TRIP12: variants seen among roughly 807,000 people sequenced by gnomAD.
TRIP12 encodes the protein thyroid hormone receptor interactor 12, also known as E3 ubiquitin-protein ligase TRIP12.
TRIP12 carries 25 observed loss-of-function variants against 244.2 expected under a neutral mutation model. That is an observed-to-expected ratio of 0.10 (90% CI 0.07 to 0.14). The LOEUF is 0.14. Ranked by LOEUF, TRIP12 falls within the 10% of genes least tolerant of loss-of-function variation. The pLI is 1.00. For missense variants in TRIP12, 1,677 were observed against 2,486.4 expected, an observed-to-expected ratio of 0.67 and a Z score of 6.92; for synonymous variants, 905 against 873.1, an observed-to-expected ratio of 1.04 and a Z score of -0.64.
intron 34 of TRIP12, among the ~76,000 whole-genome samples, chr2:229,779,345 C>T (rs1300625977): frequency 1.3e-5 from 2 of 152,138 alleles, no homozygotes; most frequent in Non-Finnish European, 2.9e-5. Context: ...ACCCCAAAAC[C>T]AGCTCAAATG....
At chr2:229,803,714 T>A (rs777749509) in intron 19 of TRIP12, 25 bp from the exon 20 acceptor site, 1 of 1,514,856 alleles carries the variant, frequency 6.6e-7, no homozygotes, top group African/African-American at 1.4e-5. Context: ...CATTTGTATA[T>A]AAAACTCTGC....
chr2:229,911,522 C>T (rs1192919055), intron 1 of TRIP12, among the ~76,000 whole-genome samples: 2 of 152,174 alleles, frequency 1.3e-5, no homozygotes, highest in African/African-American at 2.4e-5. Flanking sequence ...TTCTCCTGTT[C>T]TATTCCACTG....
At chr2:229,849,137 G>A (rs1437644320) in intron 4 of TRIP12, among the ~76,000 whole-genome samples, 1 of 152,222 alleles carries the variant, frequency 6.6e-6, no homozygotes, top group Non-Finnish European at 1.5e-5. Flanking sequence ...CAGACAGCTT[G>A]AGAAAAGATT....
At chr2:229,840,495 A>AG (rs1166785339) in intron 5 of TRIP12, among the ~76,000 whole-genome samples, 1 of 152,130 alleles carries the variant, frequency 6.6e-6, no homozygotes, top group Non-Finnish European at 1.5e-5. Flanking sequence ...TGAGGTTGGG[A>AG]GTTGGAGACC....
intron 1 of TRIP12, among the ~76,000 whole-genome samples, chr2:229,911,796 AT>A (rs1460626813): frequency 4.6e-5 from 7 of 152,202 alleles, no homozygotes; most frequent in African/African-American, 1.7e-4. Context: ...AGAATATTTA[AT>A]TTGATTAAAC....
At chr2:229,803,819 A>C (rs1332940350) in intron 19 of TRIP12, 130 bp from the exon 20 acceptor site, 1 of 883,464 alleles carries the variant, frequency 1.1e-6, no homozygotes, top group Non-Finnish European at 1.7e-6. Context: ...CATTTTTCTT[A>C]AATGCTCAAG....
intron 2 of TRIP12, among the ~76,000 whole-genome samples, chr2:229,869,651 T>C (rs1328633441): frequency 1.3e-5 from 2 of 152,206 alleles, no homozygotes; most frequent in African/African-American, 4.8e-5. Flanking sequence ...CGGTGCTTAC[T>C]AACGTGGTGT....
intron 1 of TRIP12, among the ~76,000 whole-genome samples, chr2:229,915,085 C>A (rs575771904): frequency 4.6e-5 from 7 of 152,214 alleles, no homozygotes; most frequent in African/African-American, 1.7e-4. Context: ...AAACCTGTCT[C>A]TACTAAAAAT....
In TRIP12 at chr2:229,768,738, T is replaced by A. The variant is rs369356682; in HGVS notation, c.5904-19A>T. On this transcript the variant is annotated intron_variant, in intron 40 of 41. Transcript: ENST00000675903. ...AGCCCGACTATAACAGAAATAAATA[T>A]ACCAAAATTATTTCATCAGGTTAAA... The A allele has an allele frequency of 5.7e-6, 9 of 1,585,160 alleles. No individual in the cohort carries two copies. The highest frequency in any genetic ancestry group is 7.7e-6 in the Non-Finnish European group (9 of 1,170,398).
intron 8 of TRIP12, among the ~76,000 whole-genome samples, chr2:229,828,516 A>G (rs536489809): frequency 1.3e-5 from 2 of 152,296 alleles, no homozygotes; most frequent in East Asian, 3.9e-4. Context: ...TCATGCCTGT[A>G]ATCCCAGCAC....
intron 4 of TRIP12, among the ~76,000 whole-genome samples, chr2:229,848,333 C>A (rs183319391): frequency 1.2e-3 from 161 of 137,856 alleles, no homozygotes; most frequent in East Asian, 7.6e-3. Flanking sequence ...CCCGCCCCCC[C>A]CACACACACA....
intron 6 of TRIP12, among the ~76,000 whole-genome samples, chr2:229,834,910 C>CA (rs1287393486): frequency 6.6e-6 from 1 of 152,066 alleles, no homozygotes; most frequent in Non-Finnish European, 1.5e-5. Context: ...ACATTATTTC[C>CA]AAATAAATGT....
chr2:229,814,546 A>G (rs2048034426), intron 11 of TRIP12: 1 of 400,090 alleles, frequency 2.5e-6, no homozygotes, highest in Non-Finnish European at 4.4e-6. Context: ...TATGTTTTAC[A>G]TAATAAACCA....
intron 33 of TRIP12, among the ~76,000 whole-genome samples, chr2:229,787,067 A>G (rs778732697): frequency 1.3e-4 from 20 of 152,210 alleles, no homozygotes; most frequent in Admixed American, 9.8e-4. Flanking sequence ...GACTCAAAAC[A>G]TATAAAGGAT....
chr2:229,859,689 C>A, intron 3 of TRIP12, 115 bp from the exon 4 acceptor site: 1 of 1,183,338 alleles, frequency 8.5e-7, no homozygotes, highest in East Asian at 2.4e-5. Context: ...CAGTATTAAA[C>A]ATAGGTTTTC....
At chr2:229,810,841 C>CT in intron 15 of TRIP12, 39 bp downstream of exon 15, 1 of 1,600,180 alleles carries the variant, frequency 6.2e-7, no homozygotes, top group East Asian at 2.2e-5. Context: ...GAAGAACCAA[C>CT]TTTTCCTGCT....
intron 1 of TRIP12, among the ~76,000 whole-genome samples, chr2:229,920,539 C>T (rs991981669): frequency 1.3e-5 from 2 of 152,084 alleles, no homozygotes; most frequent in Admixed American, 1.3e-4. Context: ...AGCAATTAAA[C>T]TATGCCCACC....
chr2:229,825,799 C>T (rs1167020502), intron 8 of TRIP12, among the ~76,000 whole-genome samples: 3 of 152,164 alleles, frequency 2.0e-5, no homozygotes, highest in Non-Finnish European at 4.4e-5. Flanking sequence ...CTGAGTTTGG[C>T]ACATCTTGTC....
intron 20 of TRIP12, among the ~76,000 whole-genome samples, chr2:229,802,862 A>T (rs2044752258): frequency 6.6e-6 from 1 of 152,192 alleles, no homozygotes; most frequent in Non-Finnish European, 1.5e-5. Context: ...AGCGCTACAA[A>T]AAGACAAGAT....
Sources: gnomAD v4.1 joint callset for allele counts (sites outside exome capture counted in the v4.1 genomes callset) on GRCh38, gnomAD v4.1.1 for gene constraint, MANE v1.5 for transcripts, NCBI Gene and HGNC (gene_info 2026-07-23, HGNC 2026-07-21) for gene names.